Variants in ARID2 observed in about 807,000 individuals in gnomAD.
The protein encoded by ARID2 is AT-rich interactive domain-containing protein 2.
A neutral mutation model predicts 184.6 loss-of-function variants in ARID2; 32 were observed. The observed-to-expected ratio is 0.17, with a 90% CI of 0.13 to 0.23. ARID2 has a LOEUF of 0.23. ARID2 is among the 10% of genes least tolerant of loss of function. The pLI is 1.00. For synonymous variants in ARID2, 836 were observed against 772.6 expected, an observed-to-expected ratio of 1.08 and a Z score of -1.36; for missense variants, 1,696 against 2,197.6, an observed-to-expected ratio of 0.77 and a Z score of 4.56.
At chr12:45,850,001 C>A (rs2138158376) in intron 14 of ARID2, 35 bp from the exon 15 acceptor site, 1 of 1,550,772 alleles carries the variant, frequency 6.4e-7, no homozygotes, top group Middle Eastern at 1.7e-4. Flanking sequence ...TCAGTCATTT[C>A]ATTTGGAATT....
chr12:45,746,728 G>A (rs1386149634), intron 3 of ARID2, among the ~76,000 whole-genome samples: 3 of 151,992 alleles, frequency 2.0e-5, no homozygotes, highest in Non-Finnish European at 2.9e-5. Flanking sequence ...GGACAAAGGT[G>A]TTTAAGAACC....
intron 6 of ARID2, among the ~76,000 whole-genome samples, chr12:45,822,864 A>G (rs914775322): frequency 2.0e-5 from 3 of 152,170 alleles, no homozygotes; most frequent in Non-Finnish European, 2.9e-5. Flanking sequence ...AGACCCCAAT[A>G]CAATTATAGT....
At chr12:45,801,656 A>G (rs953506506) in intron 3 of ARID2, among the ~76,000 whole-genome samples, 2 of 152,202 alleles carry the variant, frequency 1.3e-5, no homozygotes, top group African/African-American at 4.8e-5. Flanking sequence ...AATTATTAAG[A>G]CATATCAAAT....
At chr12:45,743,474 C>G (rs1030732634) in intron 3 of ARID2, among the ~76,000 whole-genome samples, 11 of 152,194 alleles carry the variant, frequency 7.2e-5, no homozygotes, top group Admixed American at 5.2e-4. Context: ...TACTTTCAAG[C>G]AACGAACTGC....
At chr12:45,856,613 C>T (rs1485380730) in intron 15 of ARID2, among the ~76,000 whole-genome samples, 1 of 152,092 alleles carries the variant, frequency 6.6e-6, no homozygotes, top group Non-Finnish European at 1.5e-5. Context: ...AGGGAAGTCT[C>T]CTTGCCAAGA....
intron 10 of ARID2, among the ~76,000 whole-genome samples, chr12:45,838,973 C>T (rs1462156979): frequency 2.0e-5 from 3 of 150,584 alleles, no homozygotes; most frequent in African/African-American, 7.4e-5. Flanking sequence ...TCATGCCATT[C>T]TCCTGCCTCA....
At chr12:45,808,733 G>T (rs1052686970) in intron 3 of ARID2, among the ~76,000 whole-genome samples, 6 of 144,770 alleles carry the variant, frequency 4.1e-5, no homozygotes, top group African/African-American at 1.5e-4. Context: ...GTGTGTTTGC[G>T]TGCGTGTGTG....
intron 3 of ARID2, among the ~76,000 whole-genome samples, chr12:45,766,925 G>A (rs566422933): frequency 3.3e-5 from 5 of 150,442 alleles, no homozygotes; most frequent in East Asian, 2.0e-4. Flanking sequence ...CCAAGATCGC[G>A]CCATTGCACT....
chr12:45,837,293 T>A (rs1436530117), intron 8 of ARID2, 28 bp from the exon 9 acceptor site: 1 of 1,530,208 alleles, frequency 6.5e-7, no homozygotes, highest in Admixed American at 1.9e-5. Flanking sequence ...GAAGCATAGC[T>A]CAATAATAGT....
Position 45,907,672 on chromosome 12 carries a change from C to G in ARID2, c.*2594C>G, listed in dbSNP as rs1944546723. 6 of 233,016 alleles carry G rather than the reference C, an allele frequency of 2.6e-5. No individual in the cohort carries two copies. Among genetic ancestry groups the G allele is most frequent in the Non-Finnish European group, 5.1e-5 (6 of 117,780 alleles). The allele number at this position is 233,016 out of a possible 1,614,324, so 14.4% of individuals were successfully genotyped here. ...ACCCTCTCATTCATGAAAAGGTGCTCCTTGCTAGACAGAAACTTGCTGATT... is the reference window on the plus strand; with the variant it reads ...ACCCTCTCATTCATGAAAAGGTGCTGCTTGCTAGACAGAAACTTGCTGATT... On this transcript the variant is annotated 3_prime_UTR_variant, in exon 21 of 21. Transcript: ENST00000334344.
At chr12:45,789,754 T>C (rs1276830977) in intron 3 of ARID2, 1 of 152,220 alleles carries the variant, frequency 6.6e-6, no homozygotes. Context: ...AAGTATCATG[T>C]ATTTCTGGAA....
chr12:45,778,054 A>G (rs1942017985), intron 3 of ARID2, among the ~76,000 whole-genome samples: 1 of 152,070 alleles, frequency 6.6e-6, no homozygotes, highest in Non-Finnish European at 1.5e-5. Flanking sequence ...AAAAATACAA[A>G]AATTAGCCGG....
chr12:45,846,693 A>G (rs993895506), intron 11 of ARID2, among the ~76,000 whole-genome samples, 163 bp from the exon 12 acceptor site: 14 of 152,116 alleles, frequency 9.2e-5, no homozygotes, highest in African/African-American at 3.1e-4. Context: ...TATGTGCTCC[A>G]TTATATATTA....
intron 20 of ARID2, among the ~76,000 whole-genome samples, chr12:45,901,213 C>G (rs1944454375): frequency 8.4e-6 from 1 of 118,404 alleles, no homozygotes; most frequent in Admixed American, 1.1e-4. Flanking sequence ...CTCCGTTGCC[C>G]AGGCTGGAAT....
At chr12:45,897,729 T>C (rs1252093094) in intron 20 of ARID2, among the ~76,000 whole-genome samples, 1 of 152,124 alleles carries the variant, frequency 6.6e-6, no homozygotes, top group African/African-American at 2.4e-5. Context: ...TCATCGATGA[T>C]AGACAAAATG....
intron 16 of ARID2, among the ~76,000 whole-genome samples, chr12:45,869,709 C>T (rs969261310): frequency 6.6e-6 from 1 of 151,736 alleles, no homozygotes; most frequent in African/African-American, 2.4e-5. Context: ...ATGGTGAAAC[C>T]CCGTCTCTAC....
intron 16 of ARID2, among the ~76,000 whole-genome samples, chr12:45,891,039 C>CT (rs1288600033): frequency 5.9e-5 from 9 of 152,122 alleles, no homozygotes; most frequent in African/African-American, 2.2e-4. Context: ...GTGGCATGTG[C>CT]TTGTAGTCCC....
chr12:45,755,094 T>C (rs1268354724), intron 3 of ARID2, among the ~76,000 whole-genome samples: 2 of 152,226 alleles, frequency 1.3e-5, no homozygotes, highest in Non-Finnish European at 2.9e-5. Flanking sequence ...TCGGAGGCGT[T>C]AACGCATGTG....
At chr12:45,876,302 G>A (rs146796309) in intron 16 of ARID2, among the ~76,000 whole-genome samples, 3,211 of 152,254 alleles carry the variant, frequency 0.021, 121 homozygotes, top group African/African-American at 0.073. Flanking sequence ...TGTAATCCCA[G>A]CACTTTGGGA....
Sources: gnomAD v4.1 joint callset for allele counts (sites outside exome capture counted in the v4.1 genomes callset) on GRCh38, gnomAD v4.1.1 for gene constraint, MANE v1.5 for transcripts, NCBI Gene and HGNC (gene_info 2026-07-23, HGNC 2026-07-21) for gene names.